MAP3K15: variants seen among roughly 807,000 people sequenced by gnomAD.
MAP3K15 encodes the protein MAPK/ERK kinase kinase 15.
A neutral mutation model predicts 99.5 loss-of-function variants in MAP3K15; 124 were observed. The observed-to-expected ratio is 1.25, with a 90% CI of 1.08 to 1.45. The LOEUF (loss-of-function observed/expected upper bound fraction) is 1.45, where lower values mean the gene tolerates loss of function less well. Ranked by LOEUF, MAP3K15 falls within the 40% of genes most tolerant of loss-of-function variation. MAP3K15 has a pLI of 0.00. For missense variants in MAP3K15, 1,242 were observed against 1,079.7 expected (o/e 1.15, Z -2.11); for synonymous variants, 494 against 439.6 (o/e 1.12, Z -1.55).
chrX:19,497,642 T>C (rs1208356201), intron 1 of MAP3K15: 3 of 111,503 alleles, frequency 2.7e-5, no homozygotes, highest in Non-Finnish European at 5.6e-5. Flanking sequence ...TTTCATTTCC[T>C]TTTTGTCCCA....
At chrX:19,401,358 C>A (rs1360644133) in intron 13 of MAP3K15, among the ~76,000 whole-genome samples, 3 of 110,410 alleles carry the variant, frequency 2.7e-5, no homozygotes, top group African/African-American at 9.9e-5. Flanking sequence ...ATCACCAAGC[C>A]CGGCTAATTT....
In MAP3K15 at chrX:19,412,210, G is replaced by A. The variant is rs765572906; in HGVS notation, c.1698+1147C>T. On this transcript the variant is annotated intron_variant, in intron 11 of 28. Coordinates refer to ENST00000338883, the MANE Select transcript of MAP3K15 (RefSeq NM_001001671.4). ...TTCCCCAATGGCAGGTCTATTCCAC[G>A]GTGGCTTTAGAGAACTTCTTGATTT... is the stretch of plus-strand genomic sequence containing the variant. Among the ~76,000 whole-genome samples, 10 of 112,014 alleles carry A rather than the reference G, an allele frequency of 8.9e-5. No homozygotes were observed. In the East Asian group the frequency reaches 2.3e-3, roughly 25 times the overall value.
chrX:19,461,985 G>A (rs1440195057), intron 4 of MAP3K15, among the ~76,000 whole-genome samples: 2 of 100,011 alleles, frequency 2.0e-5, no homozygotes, highest in African/African-American at 7.9e-5. Flanking sequence ...AGTGAGACTT[G>A]GTCTAAAACA....
chrX:19,509,330 C>T (rs1194979446), intron 1 of MAP3K15, among the ~76,000 whole-genome samples: 2 of 111,471 alleles, frequency 1.8e-5, no homozygotes, highest in Non-Finnish European at 3.8e-5. Context: ...ATTCTAAAAT[C>T]GACCACATAA....
At chrX:19,455,626 C>A (rs2064087800) in intron 6 of MAP3K15, among the ~76,000 whole-genome samples, 1 of 101,518 alleles carries the variant, frequency 9.9e-6, no homozygotes, top group African/African-American at 3.7e-5. Context: ...TCCCAAAGTG[C>A]TGGGATTACA....
intron 18 of MAP3K15, among the ~76,000 whole-genome samples, chrX:19,391,212 C>A (rs1467605230): frequency 1.8e-5 from 2 of 111,836 alleles, no homozygotes; most frequent in Admixed American, 9.5e-5. Flanking sequence ...CACAAGGTAC[C>A]AGAATTCACT....
rs1293304252 is a variant in MAP3K15, at chrX:19,391,654, G to A, written c.2431+348C>T. Among the ~76,000 whole-genome samples the A allele has an allele frequency of 7.4e-5, 6 of 80,547 alleles. No individual in the cohort carries two copies. The Admixed American group carries it at 1.1e-3, about 15-fold the overall frequency. 69.9% of individuals were successfully genotyped at this position (80,547 alleles called of 115,157 possible). ...CGTGCCACTGCACTCCAGCCTAGGC[G>A]ACAGAGTGAGACCCCGTCTCAAAAA... On this transcript the variant is annotated intron_variant, in intron 18 of 28. Transcript: ENST00000338883.
rs15943 is a variant in MAP3K15 at position 19,361,522 on chromosome X, G to C, written c.3751C>G (p.Gln1251Glu). ...DKELIDWLRL[Q>E]GADAKTIEKI... Reference sequence around the variant, plus strand: ...TCAATTGTCTTTGCATCAGCTCCTTGCAGCCGCAACCAGTCTATAAGCTCT... The same window carrying C: ...TCAATTGTCTTTGCATCAGCTCCTTCCAGCCGCAACCAGTCTATAAGCTCT... Residue 1251 changes from glutamine (Q) to glutamate (E), a missense_variant, in exon 27 of 29, where the codon CAA (glutamine) becomes GAA (glutamate). By Grantham distance (29) the Gln-to-Glu change is conservative. Coordinates refer to ENST00000338883, the MANE Select transcript of MAP3K15 (RefSeq NM_001001671.4). 5.4e-3 allele frequency: 6,582 copies of C among 1,209,870 alleles called. 15 individuals carry two copies. Among genetic ancestry groups the C allele is most frequent in the Middle Eastern group, 8.5e-3 (37 of 4,353 alleles).
At chrX:19,491,845 G>A (rs767217180) in intron 1 of MAP3K15, among the ~76,000 whole-genome samples, 1 of 109,940 alleles carries the variant, frequency 9.1e-6, no homozygotes, top group Non-Finnish European at 1.9e-5. Context: ...CACCATGCCC[G>A]GCTAATTTTG....
At chrX:19,413,178 A>T (rs61388915) in intron 11 of MAP3K15, among the ~76,000 whole-genome samples, 179 bp downstream of exon 11, 2 of 108,593 alleles carry the variant, frequency 1.8e-5, no homozygotes, top group African/African-American at 6.9e-5. Context: ...ATGCCCACAC[A>T]CACACATGCC....
chrX:19,494,698 T>C (rs955541414), intron 1 of MAP3K15, among the ~76,000 whole-genome samples: 1 of 110,465 alleles, frequency 9.1e-6, no homozygotes, highest in Non-Finnish European at 1.9e-5. Context: ...TTTAAATATA[T>C]ACCAGGTTAT....
chrX:19,433,742 CA>C (rs2063901256), intron 6 of MAP3K15, among the ~76,000 whole-genome samples: 1 of 111,706 alleles, frequency 9.0e-6, no homozygotes, highest in Non-Finnish European at 1.9e-5. Context: ...AAAACAAAAA[CA>C]AAAACAAAAC....
chrX:19,440,852 C>T (rs1204236511), intron 6 of MAP3K15, among the ~76,000 whole-genome samples: 1 of 112,477 alleles, frequency 8.9e-6, no homozygotes, highest in Non-Finnish European at 1.9e-5. Context: ...CCTGGGCACT[C>T]AGCCAGACCA....
chrX:19,472,857 T>C (rs942852176), intron 3 of MAP3K15, among the ~76,000 whole-genome samples: 2 of 111,920 alleles, frequency 1.8e-5, no homozygotes, highest in African/African-American at 3.2e-5. Context: ...CTCCCAAATA[T>C]TACAAGAGTC....
intron 6 of MAP3K15, among the ~76,000 whole-genome samples, chrX:19,454,526 C>T (rs1453438922): frequency 2.7e-5 from 3 of 111,590 alleles, no homozygotes; most frequent in Non-Finnish European, 5.6e-5. Flanking sequence ...TCAGGGAAAG[C>T]TGACCGGCTC....
At chrX:19,475,723 G>C (rs760739864) in intron 3 of MAP3K15, among the ~76,000 whole-genome samples, 1 of 111,634 alleles carries the variant, frequency 9.0e-6, no homozygotes, top group South Asian at 3.7e-4. Context: ...CTTCAATCAT[G>C]GCCACTAACT....
intron 3 of MAP3K15, among the ~76,000 whole-genome samples, chrX:19,469,660 T>G (rs1366676003): frequency 1.3e-4 from 14 of 109,493 alleles, no homozygotes; most frequent in African/African-American, 3.0e-4. Context: ...ATCTGACAAA[T>G]GGCTAATATC....
chrX:19,467,783 C>T (rs1251815180), intron 3 of MAP3K15, among the ~76,000 whole-genome samples: 1 of 103,799 alleles, frequency 9.6e-6, no homozygotes, highest in Non-Finnish European at 2.0e-5. Context: ...GAACCGAGAT[C>T]GTACCACTGC....
intron 9 of MAP3K15, among the ~76,000 whole-genome samples, chrX:19,417,083 T>G (rs1276617402): frequency 1.8e-5 from 2 of 112,266 alleles, no homozygotes; most frequent in Non-Finnish European, 3.8e-5. Context: ...GATGGCTGAA[T>G]ACGAACAACT....
Sources: gnomAD v4.1 joint callset for allele counts (sites outside exome capture counted in the v4.1 genomes callset) on GRCh38, gnomAD v4.1.1 for gene constraint, MANE v1.5 for transcripts, NCBI Gene and HGNC (gene_info 2026-07-23, HGNC 2026-07-21) for gene names.